Variants in MVK observed in about 807,000 individuals in gnomAD.
The protein encoded by MVK is mevalonate kinase, also known as LH receptor mRNA-binding protein.
MVK carries 34 observed loss-of-function variants against 43.2 expected under a neutral mutation model. The observed-to-expected ratio is 0.79, with a 90% CI of 0.60 to 1.05. The LOEUF (loss-of-function observed/expected upper bound fraction) is 1.05. Ranked by LOEUF, MVK falls within the 50% of genes least tolerant of loss-of-function variation. The pLI is 0.00. For missense variants in MVK, 395 were observed against 504.0 expected, an observed-to-expected ratio of 0.78 and a Z score of 2.07; for synonymous variants, 190 against 219.8, an observed-to-expected ratio of 0.86 and a Z score of 1.20.
At chr12:109,576,823 A>ATTGC (rs1237298393) in intron 3 of MVK, among the ~76,000 whole-genome samples, 1 of 151,050 alleles carries the variant, frequency 6.6e-6, no homozygotes, top group African/African-American at 2.4e-5. Flanking sequence ...GTGAGCCAAG[A>ATTGC]TTGCGCCATT....
intron 7 of MVK, chr12:109,587,108 CTT>C (rs2136238669): frequency 4.9e-6 from 2 of 404,172 alleles, no homozygotes; most frequent in South Asian, 2.2e-5. Flanking sequence ...GAATCCATTA[CTT>C]CCTGTGTTCC....
chr12:109,579,244 ATCC>A (rs1885102811), intron 3 of MVK: 1 of 441,810 alleles, frequency 2.3e-6, no homozygotes, highest in Admixed American at 2.5e-5. Flanking sequence ...GGCTCAAGCG[ATCC>A]TCCTGCCTCA....
rs868683734 is a variant in MVK, at chr12:109,597,054, C to T, written c.*477C>T. 18 of 229,436 alleles carry T rather than the reference C, an allele frequency of 7.8e-5. No homozygotes were observed. Among genetic ancestry groups the T allele is most frequent in the Middle Eastern group, 3.5e-3 (2 of 570 alleles). 14.2% of individuals were successfully genotyped at this position (229,436 alleles called of 1,614,324 possible). On this transcript the variant is annotated 3_prime_UTR_variant, in exon 11 of 11. Coordinates refer to ENST00000228510, the MANE Select transcript of MVK (RefSeq NM_000431.4). ...TTCCCCTACCCCTTGTCGCCCCTCCCTCCCAGAGCACCTGCTGTCTGGGTG... is the reference window on the plus strand; with the variant it reads ...TTCCCCTACCCCTTGTCGCCCCTCCTTCCCAGAGCACCTGCTGTCTGGGTG...
At chr12:109,579,723 G>C (rs540424949) in intron 3 of MVK, 79 bp from the exon 4 acceptor site, 3 of 1,578,460 alleles carry the variant, frequency 1.9e-6, no homozygotes, top group South Asian at 1.1e-5. Context: ...GTGACTAGTC[G>C]ATTTTCTGTG....
chr12:109,595,158 G>A lies in MVK; in HGVS notation c.1016G>A (p.Cys339Tyr), dbSNP rs1309901446. The change falls in exon 10 of 11, where the codon TGT becomes TAT. Residue 339 changes from cysteine (C) to tyrosine (Y), a missense_variant. Physicochemically the swap from Cys to Tyr is radical, Grantham distance 194. Coordinates refer to ENST00000228510, the MANE Select transcript of MVK (RefSeq NM_000431.4). The surrounding 1 kb of genome is among the most constrained non-coding windows in gnomAD (Gnocchi z 5.9). Reference sequence around the variant, plus strand: ...CTGACTGGCGCAGGCGGTGGTGGCTGTGGCATCACACTCCTCAAGCCAGGT... The same window carrying A: ...CTGACTGGCGCAGGCGGTGGTGGCTATGGCATCACACTCCTCAAGCCAGGT... ...SKLTGAGGGG[C>Y]GITLLKPGLE... is the part of the protein sequence containing the mutation. The A allele has an allele frequency of 3.1e-6, 5 of 1,614,116 alleles. No individual in the cohort carries two copies. In the Admixed American group the frequency reaches 5.0e-5, roughly 16 times the overall value.
intron 5 of MVK, among the ~76,000 whole-genome samples, chr12:109,583,565 G>A (rs915245299): frequency 6.6e-6 from 1 of 152,202 alleles, no homozygotes; most frequent in African/African-American, 2.4e-5. Flanking sequence ...ACACACGTGT[G>A]CATGTGTCTT....
chr12:109,590,822 C>T lies in MVK; in HGVS notation c.729C>T (p.Thr243=). 1 of 1,614,210 alleles carries T rather than the reference C, an allele frequency of 6.2e-7. No homozygotes were observed. Among genetic ancestry groups the T allele is most frequent in the Non-Finnish European group, 8.5e-7 (1 of 1,180,050 alleles). ...CCAACACCAAAGTCCCTCGCAATAC[C>T]AGGGCCCTTGTGGCTGGCGTCAGAA... ...LLTNTKVPRN[T]RALVAGVRNR... The change falls in exon 8 of 11, where the codon ACC becomes ACT. Residue 243 remains threonine, a synonymous_variant. Transcript: ENST00000228510.
In MVK at chr12:109,595,757, T is replaced by G. The variant is rs1436387293; in HGVS notation, c.1039+576T>G. 6.6e-6 allele frequency among the ~76,000 whole-genome samples: 1 copy of G among 152,150 alleles called. No homozygotes were observed. The highest frequency in any genetic ancestry group is 1.5e-5 in the Non-Finnish European group (1 of 68,016). ...TAGGCACTAACCGGTCCCACCTGCC[T>G]CCATTTCCCTCTGTGCTCCTTGTCC... On this transcript the variant is annotated intron_variant, in intron 10 of 10. Coordinates refer to ENST00000228510, the MANE Select transcript of MVK (RefSeq NM_000431.4). The surrounding 1 kb of genome is among the most constrained non-coding windows in gnomAD (Gnocchi z 5.9).
At chr12:109,573,452 A>T (rs1273536043), upstream of MVK, 2 of 1,607,604 alleles carry the variant, frequency 1.2e-6, no homozygotes, top group Non-Finnish European at 1.7e-6. Context: ...CCCCAGGCCA[A>T]GACGGCTCCC....
rs1885612091 is a variant in MVK at position 109,590,344 on chromosome 12, G to A, written c.678-427G>A. 1.2e-5 allele frequency: 4 copies of A among 324,064 alleles called. 1 individual carries two copies. Among genetic ancestry groups the A allele is most frequent in the South Asian group, 1.1e-4 (4 of 36,816 alleles). 20.1% of individuals were successfully genotyped at this position (324,064 alleles called of 1,614,324 possible). On this transcript the variant is annotated intron_variant, in intron 7 of 10. Transcript: ENST00000228510. ...ACTGTGCCGGGTTCCGCCACCTCCA[G>A]GCTCACACAGGCTGCTCCAACTGCC...
intron 9 of MVK, among the ~76,000 whole-genome samples, chr12:109,593,791 T>C (rs538617324): frequency 5.3e-4 from 77 of 146,378 alleles, no homozygotes; most frequent in African/African-American, 1.4e-3. Flanking sequence ...TGGCACAATC[T>C]TGGCTCATTG....
chr12:109,594,135 T>C lies in MVK; in HGVS notation c.886-893T>C, dbSNP rs564628747. On this transcript the variant is annotated intron_variant, in intron 9 of 10. Transcript: ENST00000228510. ...AGCAGAGACTCGAACACAGGCCTAC[T>C]TGACTCCAAATCCCATGGTTTTTAC... Among the ~76,000 whole-genome samples the C allele has an allele frequency of 2.8e-3, 423 of 152,258 alleles. 2 individuals carry two copies. The highest frequency in any genetic ancestry group is 6.8e-3 in the Middle Eastern group (2 of 294).
intron 7 of MVK, chr12:109,589,187 G>C (rs890728538): frequency 1.3e-5 from 2 of 152,336 alleles, no homozygotes; most frequent in African/African-American, 4.8e-5. Context: ...CCCCCTGCGT[G>C]GTGGCCGCTG....
chr12:109,594,967 T>A, intron 9 of MVK, 61 bp from the exon 10 acceptor site: 2 of 1,605,616 alleles, frequency 1.2e-6, no homozygotes, highest in South Asian at 2.2e-5. Flanking sequence ...GGCTCAGGGG[T>A]GGGCATAGGA....
intron 5 of MVK, among the ~76,000 whole-genome samples, chr12:109,584,153 T>A (rs1885341673): frequency 6.6e-6 from 1 of 152,232 alleles, no homozygotes; most frequent in Non-Finnish European, 1.5e-5. Context: ...ATTGGGAGGA[T>A]TATGAACCAT....
At chr12:109,589,921 T>C (rs1367249275) in intron 7 of MVK, 3 of 152,898 alleles carry the variant, frequency 2.0e-5, no homozygotes, top group Non-Finnish European at 4.4e-5. Context: ...ATGCAGCTCC[T>C]CTGGGGCAGG....
intron 9 of MVK, among the ~76,000 whole-genome samples, chr12:109,591,752 A>G (rs1885693580): frequency 6.6e-6 from 1 of 152,254 alleles, no homozygotes; most frequent in African/African-American, 2.4e-5. Context: ...TCATGGGTGC[A>G]TTCAACAACT....
chr12:109,581,039 C>T (rs961403513), intron 4 of MVK, among the ~76,000 whole-genome samples: 14 of 151,952 alleles, frequency 9.2e-5, no homozygotes, highest in Admixed American at 4.6e-4. Context: ...AGGAGGTGCA[C>T]GGCTATTGCA....
chr12:109,579,875 C>T lies in MVK; in HGVS notation c.300C>T (p.Asp100=), dbSNP rs1566143811. ...KLKEVAGLPD[D]CAVTERLAVL... is the part of the protein sequence containing the mutation. ...AGGAGGTTGCAGGCTTGCCTGACGA[C>T]TGTGCTGTCACCGAGCGCCTGGCTG... is the stretch of plus-strand genomic sequence containing the variant. Residue 100 remains aspartate (D), a synonymous_variant, in exon 4 of 11, where the codon GAC becomes GAT. Transcript: ENST00000228510. 5.6e-6 allele frequency: 9 copies of T among 1,614,274 alleles called. No individual in the cohort carries two copies. The highest frequency in any genetic ancestry group is 6.8e-6 in the Non-Finnish European group (8 of 1,180,050).
Sources: allele counts gnomAD v4.1 joint callset (sites outside exome capture counted in the v4.1 genomes callset), GRCh38; gene constraint gnomAD v4.1.1; non-coding constraint Gnocchi (gnomAD v3.1); transcripts MANE v1.5; gene names NCBI Gene and HGNC (gene_info 2026-07-23, HGNC 2026-07-21).